CALN1: variants seen among roughly 807,000 people sequenced by gnomAD.
CALN1 encodes the protein calneuron 1.
Under a neutral mutation model 30.6 loss-of-function variants are expected in CALN1, and 17 were observed. The ratio of observed to expected loss-of-function variants is 0.56; its 90% CI spans 0.38 to 0.83. The LOEUF (loss-of-function observed/expected upper bound fraction) is 0.83. Among genes scored for constraint, CALN1 ranks in the 40% least tolerant of loss-of-function variants. CALN1 has a pLI of 0.00. For synonymous variants in CALN1, 156 were observed against 131.4 expected, an observed-to-expected ratio of 1.19 and a Z score of -1.28; for missense variants, 291 against 354.9, an observed-to-expected ratio of 0.82 and a Z score of 1.45.
intron 2 of CALN1, among the ~76,000 whole-genome samples, chr7:72,363,716 A>T (rs1212685368): frequency 7.2e-6 from 1 of 139,786 alleles, no homozygotes; most frequent in Non-Finnish European, 1.5e-5. Context: ...ACATATGGTT[A>T]AAAAAAACTT....
chr7:71,811,144 G>T (rs866486879), intron 5 of CALN1, among the ~76,000 whole-genome samples: 2 of 151,844 alleles, frequency 1.3e-5, no homozygotes, highest in Non-Finnish European at 2.9e-5. Flanking sequence ...TGATCCGCCC[G>T]CCTCGGCCTC....
chr7:72,379,967 C>G (rs1303904082), intron 2 of CALN1, among the ~76,000 whole-genome samples: 1 of 152,216 alleles, frequency 6.6e-6, no homozygotes, highest in East Asian at 1.9e-4. Context: ...TTCACTACAA[C>G]TCTTACCATG....
intron 2 of CALN1, among the ~76,000 whole-genome samples, chr7:72,333,280 G>A (rs150592492): frequency 8.5e-4 from 130 of 152,272 alleles, no homozygotes; most frequent in African/African-American, 3.0e-3. Context: ...CCACTAATCT[G>A]TGAATTTTTT....
intron 2 of CALN1, among the ~76,000 whole-genome samples, chr7:72,333,774 G>C (rs769673891): frequency 4.8e-4 from 72 of 151,306 alleles, no homozygotes; most frequent in African/African-American, 1.6e-3. Flanking sequence ...CAAAGAAAGG[G>C]TTTTGCTGTG....
At chr7:72,203,083 G>C (rs1382846907) in intron 3 of CALN1, among the ~76,000 whole-genome samples, 1 of 152,072 alleles carries the variant, frequency 6.6e-6, no homozygotes, top group African/African-American at 2.4e-5. Flanking sequence ...AACTAACACA[G>C]GAACAGAAAA....
intron 6 of CALN1, among the ~76,000 whole-genome samples, chr7:71,792,159 G>A (rs747856220): frequency 6.6e-6 from 1 of 152,214 alleles, no homozygotes; most frequent in Non-Finnish European, 1.5e-5. Context: ...AGATTATCAT[G>A]CATTTGCATT....
intron 5 of CALN1, among the ~76,000 whole-genome samples, chr7:71,866,407 C>T (rs1449405410): frequency 6.6e-6 from 1 of 151,904 alleles, no homozygotes; most frequent in African/African-American, 2.4e-5. Flanking sequence ...ATGCAATATA[C>T]ATATTATATA....
the CALN1 span, among the ~76,000 whole-genome samples, chr7:72,486,379 A>G: frequency 6.6e-6 from 1 of 151,870 alleles, no homozygotes; most frequent in African/African-American, 2.4e-5. Context: ...CAATACAATA[A>G]CTTTTTTTTT....
chr7:72,396,241 A>AAAAAAAAAAG, intron 2 of CALN1, among the ~76,000 whole-genome samples: 1 of 92,016 alleles, frequency 1.1e-5, no homozygotes, highest in Non-Finnish European at 1.9e-5. Flanking sequence ...CTACTAAAAA[A>AAAAAAAAAAG]AAAAAAAAAA....
intron 3 of CALN1, among the ~76,000 whole-genome samples, chr7:72,222,653 G>T (rs1793391557): frequency 6.6e-6 from 1 of 152,078 alleles, no homozygotes; most frequent in Non-Finnish European, 1.5e-5. Context: ...AGTCAGTGCT[G>T]GTTTTTCACC....
chr7:72,378,820 C>T (rs1175589617), intron 2 of CALN1, among the ~76,000 whole-genome samples: 4 of 152,116 alleles, frequency 2.6e-5, no homozygotes, highest in South Asian at 4.2e-4. Flanking sequence ...TGCCTGCCTC[C>T]GCCTCCCAAA....
At chr7:72,496,924 T>C in the CALN1 span, among the ~76,000 whole-genome samples, 356 of 152,228 alleles carry the variant, frequency 2.3e-3, no homozygotes, top group Non-Finnish European at 4.0e-3. Context: ...CAAAGAATCA[T>C]AGGTGAGAAT....
chr7:72,097,647 CA>C (rs10711051), intron 4 of CALN1, among the ~76,000 whole-genome samples: 94,634 of 130,200 alleles, frequency 0.73, 32,992 homozygotes, highest in Admixed American at 0.79. Flanking sequence ...TATGTCTACC[CA>C]AAAAAAAAAA....
At chr7:71,804,379 A>G (rs1233999056) in intron 6 of CALN1, among the ~76,000 whole-genome samples, 14 of 152,140 alleles carry the variant, frequency 9.2e-5, no homozygotes, top group Non-Finnish European at 2.1e-4. Flanking sequence ...ATGGTGGCAC[A>G]TGCCTCTAGT....
At chr7:72,275,358 G>A (rs1005316144) in intron 3 of CALN1, among the ~76,000 whole-genome samples, 1 of 152,026 alleles carries the variant, frequency 6.6e-6, no homozygotes, top group Admixed American at 6.6e-5. Context: ...CCTGGAAACT[G>A]GCTTCCCCAA....
intron 2 of CALN1, among the ~76,000 whole-genome samples, chr7:72,281,604 C>T (rs1797736175): frequency 6.6e-6 from 1 of 152,224 alleles, no homozygotes; most frequent in African/African-American, 2.4e-5. Flanking sequence ...TTTAAGTCTT[C>T]ACAAGCATGG....
Position 71,784,957 on chromosome 7 carries a change from A to C in CALN1, c.*2818T>G. 2.5e-6 allele frequency: 1 copy of C among 398,330 alleles called. No homozygotes were observed. 24.7% of individuals were successfully genotyped at this position (398,330 alleles called of 1,614,324 possible). A position where few individuals can be genotyped will look rare whatever the true frequency, so the allele number is the denominator to read the frequency against. ...AGGGCTGGGAGTTGGCTGCCTGACA[A>C]GGAAGGCTTCCCTATACCCAAGACA... On this transcript the variant is annotated 3_prime_UTR_variant, in exon 7 of 7. Coordinates refer to ENST00000395275, the MANE Select transcript of CALN1 (RefSeq NM_031468.4).
intron 2 of CALN1, among the ~76,000 whole-genome samples, chr7:72,322,316 G>A (rs988134754): frequency 3.9e-5 from 6 of 152,084 alleles, no homozygotes; most frequent in African/African-American, 1.2e-4. Context: ...CGGAGCTCAG[G>A]TTTACGGTAA....
At chr7:72,409,201 G>C (rs990952523) in intron 1 of CALN1, among the ~76,000 whole-genome samples, 2 of 151,426 alleles carry the variant, frequency 1.3e-5, no homozygotes, top group Non-Finnish European at 2.9e-5. Context: ...TCACCATCTT[G>C]GCCAGGCTGG....
Sources: allele counts gnomAD v4.1 joint callset (sites outside exome capture counted in the v4.1 genomes callset), GRCh38; gene constraint gnomAD v4.1.1; transcripts MANE v1.5; gene names NCBI Gene and HGNC (gene_info 2026-07-23, HGNC 2026-07-21).